Variants in DSCAML1 observed in about 807,000 individuals in gnomAD.
DSCAML1 encodes the protein DS cell adhesion molecule like 1, also known as cell adhesion molecule DSCAML1.
DSCAML1 carries 38 observed loss-of-function variants against 200.5 expected under a neutral mutation model. The ratio of observed to expected loss-of-function variants is 0.19; its 90% CI spans 0.15 to 0.25. The LOEUF is 0.25. Among genes scored for constraint, DSCAML1 ranks in the 10% least tolerant of loss-of-function variants. DSCAML1 has a pLI of 1.00. For missense variants in DSCAML1, 2,223 were observed against 2,858.8 expected, an observed-to-expected ratio of 0.78 and a Z score of 5.07; for synonymous variants, 1,215 against 1,165.0, an observed-to-expected ratio of 1.04 and a Z score of -0.87.
At chr11:117,781,298 A>AC (rs1039315417) in intron 1 of DSCAML1, among the ~76,000 whole-genome samples, 1 of 151,926 alleles carries the variant, frequency 6.6e-6, no homozygotes, top group African/African-American at 2.4e-5. Flanking sequence ...CTCGAAAAAA[A>AC]AAAAAAAGAA....
chr11:117,500,870 C>A (rs2049381067), intron 11 of DSCAML1, among the ~76,000 whole-genome samples: 1 of 152,126 alleles, frequency 6.6e-6, no homozygotes, highest in African/African-American at 2.4e-5. Flanking sequence ...GGATTAAGAT[C>A]AGTTTGCTTT....
chr11:117,671,945 CA>C (rs1450027881), intron 3 of DSCAML1, among the ~76,000 whole-genome samples: 1 of 151,480 alleles, frequency 6.6e-6, no homozygotes, highest in Non-Finnish European at 1.5e-5. Context: ...ACTAAAAATA[CA>C]AAAAATTAGC....
At chr11:117,578,254 A>AG (rs1212748288) in intron 3 of DSCAML1, among the ~76,000 whole-genome samples, 3 of 150,550 alleles carry the variant, frequency 2.0e-5, no homozygotes, top group Non-Finnish European at 3.0e-5. Flanking sequence ...AAAAAAAAAA[A>AG]AAGAAGAAAA....
chr11:117,628,542 T>C (rs945453048), intron 3 of DSCAML1, among the ~76,000 whole-genome samples: 1 of 152,240 alleles, frequency 6.6e-6, no homozygotes, highest in African/African-American at 2.4e-5. Flanking sequence ...GCCCCTTGTA[T>C]AGAATTCCTG....
intron 17 of DSCAML1, 98 bp from the exon 18 acceptor site, chr11:117,461,694 G>A: frequency 8.1e-7 from 1 of 1,232,970 alleles, no homozygotes; most frequent in South Asian, 1.4e-5. Flanking sequence ...AGTCCAACCA[G>A]AGGAGCGTCC....
intron 24 of DSCAML1, 145 bp from the exon 25 acceptor site, chr11:117,438,228 G>A (rs2047963975): frequency 2.8e-6 from 2 of 727,090 alleles, no homozygotes; most frequent in South Asian, 2.0e-5. Context: ...ATGCTCCTTA[G>A]AAGCAAAATT....
rs554244208 is a variant in DSCAML1 at position 117,437,610 on chromosome 11, G to A, written c.4433-201C>T. On this transcript the variant is annotated intron_variant, in intron 25 of 32. Coordinates refer to ENST00000651296, the MANE Select transcript of DSCAML1 (RefSeq NM_020693.4). The surrounding 1 kb of genome is among the most constrained non-coding windows in gnomAD (Gnocchi z 5.3). ...GGGAGGGAGGAGAGGGAAGAAAAGG[G>A]CAGGGCCTGGAGAGGGGCCTCAGTA... Among the ~76,000 whole-genome samples the A allele has an allele frequency of 4.6e-5, 7 of 152,252 alleles. 1 individual carries two copies. Among genetic ancestry groups the A allele is most frequent in the African/African-American group, 9.6e-5 (4 of 41,544 alleles).
rs370740212 is a variant in DSCAML1 at position 117,444,346 on chromosome 11, G to A, written c.3709-307C>T. ...GATGTGAGTACTTTAGGTGAGGGACGGGGTAGCCAGGAGAAGGGAGAATGG... is the reference window on the plus strand; with the variant it reads ...GATGTGAGTACTTTAGGTGAGGGACAGGGTAGCCAGGAGAAGGGAGAATGG... On this transcript the variant is annotated intron_variant, in intron 20 of 32. Coordinates refer to ENST00000651296, the MANE Select transcript of DSCAML1 (RefSeq NM_020693.4). Among the ~76,000 whole-genome samples, 128 of 152,256 alleles carry A rather than the reference G, an allele frequency of 8.4e-4. 1 individual carries two copies. The highest frequency in any genetic ancestry group is 2.9e-3 in the African/African-American group (120 of 41,548).
chr11:117,539,586 C>T (rs987385254), intron 3 of DSCAML1, among the ~76,000 whole-genome samples: 1 of 67,852 alleles, frequency 1.5e-5, no homozygotes, highest in Non-Finnish European at 2.7e-5. Context: ...CCAGCCTGGG[C>T]AACAAGAGTA....
At chr11:117,692,176 T>C (rs2053506755) in intron 3 of DSCAML1, among the ~76,000 whole-genome samples, 2 of 152,010 alleles carry the variant, frequency 1.3e-5, no homozygotes, top group Non-Finnish European at 2.9e-5. Context: ...TTGGGCACAG[T>C]ACCATTCTCC....
intron 3 of DSCAML1, among the ~76,000 whole-genome samples, chr11:117,771,548 G>A (rs942965709): frequency 3.3e-5 from 5 of 152,224 alleles, no homozygotes; most frequent in Admixed American, 1.3e-4. Flanking sequence ...GGCAAGTGCA[G>A]GAGACAGAGA....
chr11:117,595,860 A>G (rs1016746469), intron 3 of DSCAML1, among the ~76,000 whole-genome samples: 4 of 152,204 alleles, frequency 2.6e-5, no homozygotes, highest in Non-Finnish European at 2.9e-5. Context: ...CTCCCAAAGT[A>G]GAGGGATAGG....
At chr11:117,443,806 C>T in intron 21 of DSCAML1, 80 bp downstream of exon 21, 1 of 1,503,628 alleles carries the variant, frequency 6.7e-7, no homozygotes, top group Non-Finnish European at 8.9e-7. Flanking sequence ...CAGGCAGAGA[C>T]CCTGTCTGGG....
At chr11:117,431,311 T>C (rs2047787768) in intron 31 of DSCAML1, among the ~76,000 whole-genome samples, 1 of 152,232 alleles carries the variant, frequency 6.6e-6, no homozygotes, top group African/African-American at 2.4e-5. Flanking sequence ...TCTCTGACAG[T>C]TTTTGGGAAA....
chr11:117,478,892 T>C (rs2137204807), intron 14 of DSCAML1, among the ~76,000 whole-genome samples: 1 of 152,284 alleles, frequency 6.6e-6, no homozygotes, highest in East Asian at 1.9e-4. Flanking sequence ...TCCTTGGATC[T>C]GTAGCCCTCC....
chr11:117,461,016 G>T (rs568050569), intron 18 of DSCAML1, among the ~76,000 whole-genome samples: 3 of 151,854 alleles, frequency 2.0e-5, no homozygotes, highest in African/African-American at 7.3e-5. Flanking sequence ...TGAGTGTACC[G>T]ACTATTCCCC....
rs549538456 is a variant in DSCAML1 at position 117,428,325 on chromosome 11, G to A, written c.*3C>T. 1.1e-5 allele frequency: 16 copies of A among 1,484,046 alleles called. No individual in the cohort carries two copies. The Admixed American group carries it at 1.1e-4, about 10-fold the overall frequency. The allele number at this position is 1,484,046 out of a possible 1,614,324, so 91.9% of individuals were successfully genotyped here. A position where few individuals can be genotyped will look rare whatever the true frequency, so the allele number is the denominator to read the frequency against. On this transcript the variant is annotated 3_prime_UTR_variant, in exon 33 of 33. Transcript: ENST00000651296. ...CCAGGCGTGGCTGCTCTTCCTGCGG[G>A]CCCTACACCAGGGTGTAGGATTTGG...
upstream of DSCAML1, among the ~76,000 whole-genome samples, chr11:117,798,238 T>C (rs559024148): frequency 6.0e-4 from 91 of 152,362 alleles, no homozygotes; most frequent in African/African-American, 2.1e-3. Flanking sequence ...ACAATTGGGC[T>C]GTACCTGGGC....
chr11:117,463,575 C>T lies in DSCAML1; in HGVS notation c.3265+1367G>A, dbSNP rs1440023578. ...GGTGTTAGGGCACTGCTCAAATGAACACTCCTGGCACTAAGAGGAGACAAG... is the reference window on the plus strand; with the variant it reads ...GGTGTTAGGGCACTGCTCAAATGAATACTCCTGGCACTAAGAGGAGACAAG... On this transcript the variant is annotated intron_variant, in intron 17 of 32. Transcript: ENST00000651296. The surrounding 1 kb of genome is among the most constrained non-coding windows in gnomAD (Gnocchi z 4.0). Among the ~76,000 whole-genome samples, 2 of 152,162 alleles carry T rather than the reference C, an allele frequency of 1.3e-5. No homozygotes were observed. The highest frequency in any genetic ancestry group is 6.5e-5 in the Admixed American group (1 of 15,286).
Sources: gnomAD v4.1 joint callset for allele counts (sites outside exome capture counted in the v4.1 genomes callset) on GRCh38, gnomAD v4.1.1 for gene constraint, Gnocchi (gnomAD v3.1) non-coding constraint, MANE v1.5 for transcripts, NCBI Gene and HGNC (gene_info 2026-07-23, HGNC 2026-07-21) for gene names.